ARMC2: variants seen among roughly 807,000 people sequenced by gnomAD.
The protein encoded by ARMC2 is armadillo repeat containing 2.
A neutral mutation model predicts 90.3 loss-of-function variants in ARMC2; 67 were observed. The ratio of observed to expected loss-of-function variants is 0.74; its 90% CI spans 0.61 to 0.91. The LOEUF (loss-of-function observed/expected upper bound fraction) is 0.91. ARMC2 is among the 40% of genes least tolerant of loss of function. The probability of loss-of-function intolerance (pLI) is 0.00; values close to 1 mark genes in which losing one functional copy is unlikely to be tolerated. For missense variants in ARMC2, 920 were observed against 1,030.9 expected (o/e 0.89, Z 1.47); for synonymous variants, 393 against 393.0 (o/e 1.00, Z 0.00).
At chr6:108,915,174 T>C in intron 10 of ARMC2, among the ~76,000 whole-genome samples, 1 of 152,088 alleles carries the variant, frequency 6.6e-6, no homozygotes. Flanking sequence ...CATGCTAGTC[T>C]CAAACTCATG....
chr6:109,040,854 G>A, the ARMC2 span, among the ~76,000 whole-genome samples: 2 of 151,688 alleles, frequency 1.3e-5, no homozygotes, highest in East Asian at 3.9e-4. Flanking sequence ...GGGTTTCACC[G>A]TGTTAGCCAG....
chr6:109,017,469 T>C, the ARMC2 span, among the ~76,000 whole-genome samples: 2 of 152,108 alleles, frequency 1.3e-5, no homozygotes, highest in African/African-American at 2.4e-5. Context: ...GTATTTTTAG[T>C]AGAGACGGGG....
At chr6:108,987,941 T>C in the ARMC2 span, among the ~76,000 whole-genome samples, 1 of 151,880 alleles carries the variant, frequency 6.6e-6, no homozygotes, top group African/African-American at 2.4e-5. Flanking sequence ...TAGCTGGGAA[T>C]ACAGGTGCAT....
chr6:108,948,226 C>T (rs903112811), intron 12 of ARMC2, among the ~76,000 whole-genome samples: 7 of 152,082 alleles, frequency 4.6e-5, no homozygotes, highest in Admixed American at 1.3e-4. Context: ...TTGGAGTGCA[C>T]GGTTTGGGAG....
chr6:108,867,095 A>G (rs1562330456), intron 3 of ARMC2, among the ~76,000 whole-genome samples: 1 of 152,212 alleles, frequency 6.6e-6, no homozygotes, highest in Non-Finnish European at 1.5e-5. Context: ...TCACTCATTC[A>G]CATGTTATAG....
At chr6:109,051,847 C>CAAAGACA in the ARMC2 span, among the ~76,000 whole-genome samples, 1 of 152,168 alleles carries the variant, frequency 6.6e-6, no homozygotes, top group Non-Finnish European at 1.5e-5. Flanking sequence ...AGAAGACAGT[C>CAAAGACA]GAACAAAGGC....
At chr6:108,876,390 G>C in intron 5 of ARMC2, 40 bp downstream of exon 5, 1 of 1,559,290 alleles carries the variant, frequency 6.4e-7, no homozygotes, top group Non-Finnish European at 8.7e-7. Flanking sequence ...TCAGGATAAT[G>C]GTATCATTTA....
At chr6:108,960,427 A>G (rs1331097539) in intron 13 of ARMC2, among the ~76,000 whole-genome samples, 1 of 152,180 alleles carries the variant, frequency 6.6e-6, no homozygotes, top group Non-Finnish European at 1.5e-5. Context: ...CAGGGACAAA[A>G]ACCACTAAGG....
chr6:108,999,566 A>G, the ARMC2 span, among the ~76,000 whole-genome samples: 1 of 152,188 alleles, frequency 6.6e-6, no homozygotes, highest in Non-Finnish European at 1.5e-5. Flanking sequence ...ATAAAGATGC[A>G]TAACAATGAG....
chr6:108,970,265 A>G lies in ARMC2; in HGVS notation c.2447-3092A>G, dbSNP rs1435418505. On this transcript the variant is annotated intron_variant, in intron 17 of 17. Coordinates refer to ENST00000392644, the MANE Select transcript of ARMC2 (RefSeq NM_032131.6). ...AATTAATATGGTTTGAGGGTGGATT[A>G]ACTATAGGCTGGGCCTCAAGACAAG... Among the ~76,000 whole-genome samples the G allele has an allele frequency of 3.3e-5, 5 of 152,036 alleles. No homozygotes were observed. In the South Asian group the frequency reaches 8.3e-4, roughly 25 times the overall value.
chr6:108,993,309 T>C, the ARMC2 span, among the ~76,000 whole-genome samples: 3 of 152,214 alleles, frequency 2.0e-5, no homozygotes, highest in Non-Finnish European at 4.4e-5. Context: ...ATATAATATG[T>C]AACATGATCA....
chr6:108,887,887 A>C (rs1770525190), intron 5 of ARMC2, among the ~76,000 whole-genome samples: 2 of 152,224 alleles, frequency 1.3e-5, no homozygotes, highest in African/African-American at 4.8e-5. Flanking sequence ...GATAGGCAGG[A>C]ATGCTTTGCC....
At chr6:108,874,051 T>G (rs191883887) in intron 4 of ARMC2, among the ~76,000 whole-genome samples, 3 of 152,256 alleles carry the variant, frequency 2.0e-5, no homozygotes, top group Non-Finnish European at 4.4e-5. Context: ...TGCTGGGAGC[T>G]GTCTCCTTTT....
At chr6:108,870,897 ATAAG>A (rs71747078) in intron 4 of ARMC2, among the ~76,000 whole-genome samples, 27,177 of 152,100 alleles carry the variant, frequency 0.18, 2,499 homozygotes, top group Middle Eastern at 0.22. Flanking sequence ...AGGAGAACAA[ATAAG>A]TAAGAGAATT....
the ARMC2 span, among the ~76,000 whole-genome samples, chr6:108,983,949 G>A: frequency 2.0e-5 from 3 of 152,198 alleles, no homozygotes; most frequent in African/African-American, 7.2e-5. Flanking sequence ...TTAGGAACTG[G>A]CTGCACAGCA....
intron 5 of ARMC2, among the ~76,000 whole-genome samples, chr6:108,890,367 C>A (rs562321349): frequency 6.6e-6 from 1 of 151,966 alleles, no homozygotes. Flanking sequence ...GAAAATTAAT[C>A]TGTTTATTAA....
chr6:108,857,238 C>A (rs1216118364), intron 2 of ARMC2, among the ~76,000 whole-genome samples: 1 of 152,170 alleles, frequency 6.6e-6, no homozygotes, highest in Non-Finnish European at 1.5e-5. Flanking sequence ...TTTTTGATTT[C>A]TTTCACTGAG....
At chr6:109,035,499 G>A in the ARMC2 span, among the ~76,000 whole-genome samples, 1 of 151,744 alleles carries the variant, frequency 6.6e-6, no homozygotes, top group Admixed American at 6.6e-5. Context: ...GAAATAAGGT[G>A]TTCAGGACTC....
the ARMC2 span, among the ~76,000 whole-genome samples, chr6:109,012,788 G>A: frequency 6.6e-5 from 10 of 152,030 alleles, no homozygotes; most frequent in Admixed American, 2.0e-4. Context: ...TGGAAAAGAG[G>A]GTAAGGAGAG....
Sources: gnomAD v4.1 joint callset for allele counts (sites outside exome capture counted in the v4.1 genomes callset) on GRCh38, gnomAD v4.1.1 for gene constraint, MANE v1.5 for transcripts, NCBI Gene and HGNC (gene_info 2026-07-23, HGNC 2026-07-21) for gene names.